Variants in TIAM2 observed in about 807,000 individuals in gnomAD.
TIAM2 encodes rho guanine nucleotide exchange factor TIAM2.
TIAM2 carries 80 observed loss-of-function variants against 152.9 expected under a neutral mutation model. That is an observed-to-expected ratio of 0.52 (90% CI 0.44 to 0.63). The LOEUF is 0.63. Among genes scored for constraint, TIAM2 ranks in the 30% least tolerant of loss-of-function variants. The probability of loss-of-function intolerance (pLI) is 0.00; values close to 1 mark genes in which losing one functional copy is unlikely to be tolerated. For missense variants in TIAM2, 1,965 were observed against 2,120.1 expected (o/e 0.93, Z 1.44); for synonymous variants, 804 against 838.0 (o/e 0.96, Z 0.70).
In TIAM2 at chr6:155,214,208, C is replaced by G. The variant is rs952635461; in HGVS notation, c.3168+2901C>G. Among the ~76,000 whole-genome samples the G allele has an allele frequency of 6.6e-6, 1 of 152,238 alleles. No homozygotes were observed. Among genetic ancestry groups the G allele is most frequent in the Non-Finnish European group, 1.5e-5 (1 of 68,048 alleles). On this transcript the variant is annotated intron_variant, in intron 15 of 26. Coordinates refer to ENST00000682666, the MANE Select transcript of TIAM2 (RefSeq NM_012454.4). This position sits in a 1 kb window ranked among gnomAD's most constrained non-coding sequence, Gnocchi z 5.4. ...CTCAGCTCCTGCTGGCTCCATGGAA[C>G]GCACAGCGCTGGCCGTGCCTCCCCC...
chr6:155,179,532 T>TA, intron 12 of TIAM2, 76 bp downstream of exon 12: 1 of 1,363,016 alleles, frequency 7.3e-7, no homozygotes, highest in African/African-American at 1.5e-5. Context: ...TCTTTGGACT[T>TA]AATTTTTTCC....
rs1480447018 is a variant in TIAM2 at position 155,137,251 on chromosome 6, C to T, written c.1269C>T (p.Ser423=). Residue 423 remains serine (S), a synonymous_variant, in exon 5 of 27, where the codon TCC becomes TCT. Transcript: ENST00000682666. ...SDGLNTDVQG[S]SQASAFLWSG... is the part of the protein sequence containing the mutation. ...GACTGAATACAGATGTGCAGGGATC[C>T]TCCCAGGCATCTGCTTTTCTGTGGT... The T allele has an allele frequency of 6.2e-7, 1 of 1,614,084 alleles. No homozygotes were observed. Among genetic ancestry groups the T allele is most frequent in the Non-Finnish European group, 8.5e-7 (1 of 1,180,050 alleles).
intron 1 of TIAM2, among the ~76,000 whole-genome samples, chr6:155,071,714 G>A (rs554358406): frequency 2.0e-3 from 303 of 152,238 alleles, no homozygotes; most frequent in African/African-American, 7.0e-3. Context: ...GGCCAACATG[G>A]TGAAACCCCA....
intron 1 of TIAM2, among the ~76,000 whole-genome samples, chr6:155,084,505 A>G (rs1778137299): frequency 1.3e-5 from 2 of 152,276 alleles, no homozygotes; most frequent in South Asian, 2.1e-4. Flanking sequence ...AACAGGAGCC[A>G]GATTGACTGA....
intron 5 of TIAM2, among the ~76,000 whole-genome samples, chr6:155,141,438 A>G (rs1779703723): frequency 6.6e-6 from 1 of 152,108 alleles, no homozygotes; most frequent in African/African-American, 2.4e-5. Context: ...TAATTTTTAA[A>G]TTATCCTTAA....
chr6:155,222,857 G>C (rs6939601), intron 15 of TIAM2, among the ~76,000 whole-genome samples: 133,441 of 152,122 alleles, frequency 0.88, 58,627 homozygotes, highest in East Asian at 1. Flanking sequence ...GAGCTGCTTA[G>C]AAGAAGAATC....
At chr6:155,124,984 G>A (rs1447105056) in intron 2 of TIAM2, among the ~76,000 whole-genome samples, 1 of 151,748 alleles carries the variant, frequency 6.6e-6, no homozygotes, top group Non-Finnish European at 1.5e-5. Flanking sequence ...AACTGTAACA[G>A]TCACCACTGA....
rs1406102050 is a variant in TIAM2, at chr6:155,174,853, C to T, written c.2362-1963C>T. ...CACCCTCAGTGGGAGCCTGTGACTT[C>T]CTCCGGGCCTTGTTCTTTGTGATGT... On this transcript the variant is annotated intron_variant, in intron 9 of 26. Coordinates refer to ENST00000682666, the MANE Select transcript of TIAM2 (RefSeq NM_012454.4). The surrounding 1 kb of genome is among the most constrained non-coding windows in gnomAD (Gnocchi z 4.2). Among the ~76,000 whole-genome samples, 2 of 152,178 alleles carry T rather than the reference C, an allele frequency of 1.3e-5. No homozygotes were observed. Among genetic ancestry groups the T allele is most frequent in the Admixed American group, 1.3e-4 (2 of 15,282 alleles).
chr6:155,219,496 CCTCT>C (rs768157026), intron 15 of TIAM2, among the ~76,000 whole-genome samples: 17 of 152,344 alleles, frequency 1.1e-4, no homozygotes, highest in East Asian at 3.9e-4. Flanking sequence ...CCTTATTCTG[CCTCT>C]CTAACGCCAC....
At chr6:155,134,985 G>A (rs1779526438) in intron 4 of TIAM2, among the ~76,000 whole-genome samples, 2 of 152,016 alleles carry the variant, frequency 1.3e-5, no homozygotes, top group Admixed American at 1.3e-4. Context: ...GATTACAGGC[G>A]TGAGCCACCG....
At chr6:155,252,145 C>T (rs1783701111) in intron 23 of TIAM2, 142 bp downstream of exon 23, 1 of 642,356 alleles carries the variant, frequency 1.6e-6, no homozygotes, top group Non-Finnish European at 2.7e-6. Context: ...CCATCACATA[C>T]TGAGAGCGTT....
chr6:155,127,665 A>G (rs1779328449), intron 3 of TIAM2, 65 bp downstream of exon 3: 18 of 448,562 alleles, frequency 4.0e-5, no homozygotes, highest in South Asian at 2.4e-4. Context: ...GGTAATAAGT[A>G]AAGGTTTAAT....
chr6:155,165,491 G>A (rs893457728), intron 9 of TIAM2, 82 bp downstream of exon 9: 6 of 1,517,612 alleles, frequency 4.0e-6, no homozygotes, highest in Middle Eastern at 1.8e-4. Flanking sequence ...AATCATCAAT[G>A]TTCATTCTCT....
intron 1 of TIAM2, among the ~76,000 whole-genome samples, chr6:155,077,515 C>A (rs1777987060): frequency 6.6e-6 from 1 of 152,090 alleles, no homozygotes; most frequent in Admixed American, 6.5e-5. Context: ...GACATTGAGG[C>A]CTGGCCTTGG....
chr6:155,254,824 C>G (rs1294023039), intron 26 of TIAM2: 6 of 450,976 alleles, frequency 1.3e-5, no homozygotes, highest in Non-Finnish European at 2.4e-5. Flanking sequence ...GTTTCTTCCA[C>G]TAAGATGTGC....
At chr6:155,228,872 C>T (rs2115262301) in intron 15 of TIAM2, among the ~76,000 whole-genome samples, 1 of 152,344 alleles carries the variant, frequency 6.6e-6, no homozygotes, top group East Asian at 1.9e-4. Context: ...CTCCCTGTGA[C>T]TCTGGTCTGG....
chr6:155,083,685 T>C (rs554197117), intron 1 of TIAM2, among the ~76,000 whole-genome samples: 39 of 152,346 alleles, frequency 2.6e-4, no homozygotes, highest in African/African-American at 8.9e-4. Context: ...TCACTTTGCC[T>C]GGTGAGTTTT....
intron 23 of TIAM2, 62 bp downstream of exon 23, chr6:155,252,065 T>C (rs1424158482): frequency 1.4e-6 from 2 of 1,393,330 alleles, no homozygotes; most frequent in Admixed American, 2.1e-5. Context: ...CCTATTAACG[T>C]TGAACTGAAA....
Position 155,254,377 on chromosome 6 carries a change from C to T in TIAM2, c.4314-42C>T, listed in dbSNP as rs745686022. On this transcript the variant is annotated intron_variant, in intron 25 of 26. Transcript: ENST00000682666. ...GGGCGTGGAATGGAAGCACGATGAA[C>T]ACTGTGGACACTTCTGCTGTTTTCT... 3.1e-6 allele frequency: 5 copies of T among 1,599,506 alleles called. No homozygotes were observed. The East Asian group carries it at 1.1e-4, about 36-fold the overall frequency.
Sources: allele counts gnomAD v4.1 joint callset (sites outside exome capture counted in the v4.1 genomes callset), GRCh38; gene constraint gnomAD v4.1.1; non-coding constraint Gnocchi (gnomAD v3.1); transcripts MANE v1.5; gene names NCBI Gene and HGNC (gene_info 2026-07-23, HGNC 2026-07-21).